Variants in ACER3 observed in about 807,000 individuals in gnomAD.
The protein encoded by ACER3 is alkCDase 3.
A neutral mutation model predicts 48.9 loss-of-function variants in ACER3; 16 were observed. The observed-to-expected ratio is 0.33, with a 90% CI of 0.22 to 0.50. ACER3 has a LOEUF of 0.50. ACER3 is among the 20% of genes least tolerant of loss of function. The pLI, the probability that ACER3 is intolerant of heterozygous loss-of-function variation, is 0.98. For missense variants in ACER3, 227 were observed against 326.0 expected (o/e 0.70, Z 2.34); for synonymous variants, 109 against 107.8 (o/e 1.01, Z -0.07).
At chr11:76,948,784 C>T (rs532109717) in intron 2 of ACER3, among the ~76,000 whole-genome samples, 1 of 152,174 alleles carries the variant, frequency 6.6e-6, no homozygotes. Context: ...AGCTAACTTG[C>T]TTCCAAAATC....
intron 1 of ACER3, among the ~76,000 whole-genome samples, chr11:76,916,947 G>A (rs1035601222): frequency 7.9e-5 from 12 of 152,028 alleles, no homozygotes; most frequent in Non-Finnish European, 2.9e-5. Flanking sequence ...CCCCTCCCCT[G>A]TAACCTCCCT....
At chr11:77,019,425 CT>C (rs1193993922) in intron 9 of ACER3, 1 of 223,348 alleles carries the variant, frequency 4.5e-6, no homozygotes, top group African/African-American at 2.3e-5. Flanking sequence ...CGCCACTGCA[CT>C]CCAGCCTGGG....
intron 7 of ACER3, among the ~76,000 whole-genome samples, chr11:77,001,401 G>A (rs1226954920): frequency 6.6e-6 from 1 of 152,042 alleles, no homozygotes; most frequent in African/African-American, 2.4e-5. Context: ...GATTACAGGC[G>A]CCCACCACCA....
chr11:76,923,727 A>G (rs1221053749), intron 1 of ACER3, among the ~76,000 whole-genome samples: 7 of 152,154 alleles, frequency 4.6e-5, no homozygotes, highest in African/African-American at 1.4e-4. Flanking sequence ...GCTATTCCCT[A>G]TTACTGAGGC....
At chr11:76,916,657 T>G (rs1946537578) in intron 1 of ACER3, among the ~76,000 whole-genome samples, 1 of 152,172 alleles carries the variant, frequency 6.6e-6, no homozygotes, top group Admixed American at 6.5e-5. Flanking sequence ...AAGAAGGGAT[T>G]ATCAAAATAA....
chr11:77,017,551 C>T (rs1351654573), intron 9 of ACER3, among the ~76,000 whole-genome samples: 1 of 152,162 alleles, frequency 6.6e-6, no homozygotes, highest in African/African-American at 2.4e-5. Context: ...CTACCCAAAG[C>T]CATCCACAGA....
rs1202014948 is a variant in ACER3, at chr11:76,914,659, C to T, written c.104-11898C>T. 2.0e-5 allele frequency among the ~76,000 whole-genome samples: 3 copies of T among 152,250 alleles called. No individual in the cohort carries two copies. In the East Asian group the frequency reaches 5.8e-4, roughly 29 times the overall value. On this transcript the variant is annotated intron_variant, in intron 1 of 10. Transcript: ENST00000532485. ...GTGGCGATTCCTCAAGGATCTAGAT[C>T]TAGAAATACCATTTGACCCAGCCAT...
intron 2 of ACER3, among the ~76,000 whole-genome samples, chr11:76,938,990 T>C (rs1947268464): frequency 9.9e-6 from 1 of 100,824 alleles, no homozygotes; most frequent in Non-Finnish European, 2.1e-5. Flanking sequence ...GAAGGAATCA[T>C]GTCAAAGTAA....
chr11:77,015,444 A>G (rs1391446086), intron 8 of ACER3, among the ~76,000 whole-genome samples: 4 of 152,206 alleles, frequency 2.6e-5, no homozygotes, highest in African/African-American at 7.2e-5. Context: ...CTGATTTGTA[A>G]TAAGCATATG....
chr11:76,981,392 AT>A (rs1948580023), intron 4 of ACER3, among the ~76,000 whole-genome samples: 1 of 152,238 alleles, frequency 6.6e-6, no homozygotes, highest in African/African-American at 2.4e-5. Context: ...CACAGTTTAC[AT>A]GGAATAAAAT....
chr11:76,904,624 T>A (rs1946171456), intron 1 of ACER3, among the ~76,000 whole-genome samples: 1 of 151,876 alleles, frequency 6.6e-6, no homozygotes, highest in Admixed American at 6.6e-5. Flanking sequence ...AGAATAAACC[T>A]CTTCAAATAT....
chr11:76,877,275 T>C (rs1945406006), intron 1 of ACER3, among the ~76,000 whole-genome samples: 1 of 150,010 alleles, frequency 6.7e-6, no homozygotes, highest in Non-Finnish European at 1.5e-5. Context: ...CTAACATATG[T>C]TCTTTAACTT....
At position 76,868,381 on chromosome 11, in the gene ACER3, C is replaced by CTG. The variant is rs1296647618; in HGVS notation, c.103+7303_103+7304insGT. ...AAAAGAGTTTAGTTTTAATATCTCT[C>CTG]TCTCTCTCTCTGTGTGTGTGTGTGT... On this transcript the variant is annotated intron_variant, in intron 1 of 10. Transcript: ENST00000532485. The CTG allele has an allele frequency of 9.3e-5, 45 of 481,438 alleles. No individual in the cohort carries two copies. In the East Asian group the frequency reaches 1.6e-3, roughly 17 times the overall value. The allele number at this position is 481,438 out of a possible 1,614,324, so 29.8% of individuals were successfully genotyped here. A position where few individuals can be genotyped will look rare whatever the true frequency, so the allele number is the denominator to read the frequency against.
intron 1 of ACER3, among the ~76,000 whole-genome samples, chr11:76,916,112 TTGAC>T (rs1227299593): frequency 6.6e-6 from 1 of 152,226 alleles, no homozygotes; most frequent in African/African-American, 2.4e-5. Context: ...TTCATGATTT[TTGAC>T]TGATGCATTT....
At chr11:76,896,829 G>A (rs1945942391) in intron 1 of ACER3, among the ~76,000 whole-genome samples, 1 of 152,096 alleles carries the variant, frequency 6.6e-6, no homozygotes, top group Admixed American at 6.5e-5. Flanking sequence ...TTTCATATAT[G>A]CTTTTGCATT....
chr11:76,963,019 G>T (rs1948037484), intron 3 of ACER3, among the ~76,000 whole-genome samples: 1 of 151,396 alleles, frequency 6.6e-6, no homozygotes, highest in Non-Finnish European at 1.5e-5. Flanking sequence ...GAAAAACTCA[G>T]ACTGTAGAAG....
chr11:76,937,978 A>G (rs1200173267), intron 2 of ACER3, among the ~76,000 whole-genome samples: 2 of 152,146 alleles, frequency 1.3e-5, no homozygotes, highest in Non-Finnish European at 1.5e-5. Context: ...CTGTCTTTGT[A>G]TGCATCTTAG....
intron 1 of ACER3, among the ~76,000 whole-genome samples, chr11:76,902,132 G>A (rs777709437): frequency 2.0e-5 from 3 of 151,814 alleles, no homozygotes; most frequent in Non-Finnish European, 2.9e-5. Flanking sequence ...TTTCTTAATG[G>A]CATCTGGGAA....
At chr11:76,872,911 C>CTTTTTTTTTTTTTTT (rs59654087) in intron 1 of ACER3, among the ~76,000 whole-genome samples, 1 of 68,706 alleles carries the variant, frequency 1.5e-5, no homozygotes, top group African/African-American at 3.8e-5. Flanking sequence ...TTTTCTTTTT[C>CTTTTTTTTTTTTTTT]TTTTTTTTTT....
Sources: gnomAD v4.1 joint callset for allele counts (sites outside exome capture counted in the v4.1 genomes callset) on GRCh38, gnomAD v4.1.1 for gene constraint, MANE v1.5 for transcripts, NCBI Gene and HGNC (gene_info 2026-07-23, HGNC 2026-07-21) for gene names.